The following SMPD3 variants were observed in gnomAD, a reference collection of about 807,000 sequenced individuals.
SMPD3 encodes the protein sphingomyelin phosphodiesterase 3.
Under a neutral mutation model 55.7 loss-of-function variants are expected in SMPD3, and 21 were observed. The observed-to-expected ratio is 0.38, with a 90% CI of 0.27 to 0.54. The LOEUF is 0.54. Among genes scored for constraint, SMPD3 ranks in the 20% least tolerant of loss-of-function variants. The pLI, the probability that SMPD3 is intolerant of heterozygous loss-of-function variation, is 0.80. For synonymous variants in SMPD3, 457 were observed against 404.3 expected (o/e 1.13, Z -1.56); for missense variants, 842 against 899.6 (o/e 0.94, Z 0.82).
At position 68,361,124 on chromosome 16, in the gene SMPD3, C is replaced by T; in HGVS notation, c.*82G>A. On this transcript the variant is annotated 3_prime_UTR_variant, in exon 9 of 9. Coordinates refer to ENST00000219334, the MANE Select transcript of SMPD3 (RefSeq NM_018667.4). ...TGTCCCTGCCCTCCTCCCCCAAGCA[C>T]CGGGCACTCGATGGAGGGGACATGG... 1.5e-6 allele frequency: 2 copies of T among 1,305,432 alleles called. No individual in the cohort carries two copies. The highest frequency in any genetic ancestry group is 2.2e-6 in the Non-Finnish European group (2 of 929,140). The allele number at this position is 1,305,432 out of a possible 1,614,324, so 80.9% of individuals were successfully genotyped here.
rs199624447 is a variant in SMPD3 at position 68,364,891 on chromosome 16, C to T, written c.1415G>A (p.Arg472Gln). The change falls in exon 5 of 9, where the codon CGG (arginine) becomes CAG (glutamine). Residue 472 changes from arginine (R) to glutamine (Q), a missense_variant. Transcript: ENST00000219334. ...CTGAAGCAGGTCCAGCTGCCCACAC[C>T]GGATGGCGCTGTCCTCTGCAGGGCA... ...LHAPQEDSAI[R>Q]CGQLDLLQDW... 116 of 1,613,698 alleles carry T rather than the reference C, an allele frequency of 7.2e-5. No individual in the cohort carries two copies. The highest frequency in any genetic ancestry group is 4.9e-4 in the Middle Eastern group (3 of 6,080).
intron 2 of SMPD3, among the ~76,000 whole-genome samples, chr16:68,378,823 A>T (rs1165850688): frequency 6.6e-6 from 1 of 152,130 alleles, no homozygotes; most frequent in Non-Finnish European, 1.5e-5. Context: ...ATTTTATCTG[A>T]GATGGAAGGT....
chr16:68,379,913 A>G (rs957875312), intron 2 of SMPD3, among the ~76,000 whole-genome samples: 2 of 152,322 alleles, frequency 1.3e-5, no homozygotes, highest in African/African-American at 4.8e-5. Context: ...AAGCCAGGTG[A>G]GTGGTGCACG....
rs560534937 is a variant in SMPD3, at chr16:68,392,992, A to G, written c.-268-6333T>C. ...CATTGATCTCAGACTTCTAGCCTCT[A>G]ACCTGTAAGAAACTAAATTTCGGTT... On this transcript the variant is annotated intron_variant, in intron 1 of 8. Coordinates refer to ENST00000219334, the MANE Select transcript of SMPD3 (RefSeq NM_018667.4). 3.7e-4 allele frequency among the ~76,000 whole-genome samples: 57 copies of G among 152,284 alleles called. 2 individuals are homozygous for G. The South Asian group carries it at 0.011, about 29-fold the overall frequency.
At chr16:68,430,036 AC>A (rs2090467298) in intron 1 of SMPD3, among the ~76,000 whole-genome samples, 1 of 152,080 alleles carries the variant, frequency 6.6e-6, no homozygotes, top group Non-Finnish European at 1.5e-5. Flanking sequence ...CTGTCGCTGC[AC>A]CTGTTACCCC....
At chr16:68,375,068 A>T (rs1258547571) in intron 2 of SMPD3, among the ~76,000 whole-genome samples, 1 of 152,164 alleles carries the variant, frequency 6.6e-6, no homozygotes. Context: ...TGAGGTCACC[A>T]GCCCAGCCTG....
intron 2 of SMPD3, among the ~76,000 whole-genome samples, chr16:68,372,804 A>G (rs1392165226): frequency 6.6e-6 from 1 of 152,210 alleles, no homozygotes; most frequent in Non-Finnish European, 1.5e-5. Flanking sequence ...ATGAGAGGGC[A>G]GGTGACCCTG....
chr16:68,361,604 G>T lies in SMPD3; in HGVS notation c.1865C>A (p.Ala622Asp). The change falls in exon 8 of 9, where the codon GCC (alanine) becomes GAC (aspartate). Residue 622 changes from alanine (A) to aspartate (D), a missense_variant and splice_region_variant. This residue lies in a region of SMPD3 where 649 missense variants were observed against 643.6 expected (regional missense o/e 1.01). Transcript: ENST00000219334. ...AEEGLCPDWK[A>D]EVEEFSFITQ... ...GGCTGCTGGGCCCTCCTGACTCACG[G>T]CCTTCCAGTCTGGGCACAGCCCCTC... 1 of 1,607,166 alleles carries T rather than the reference G, an allele frequency of 6.2e-7. No homozygotes were observed.
In SMPD3 at chr16:68,371,454, C is replaced by T. The variant is rs945113819; in HGVS notation, c.728G>A (p.Cys243Tyr). The T allele has an allele frequency of 2.9e-5, 46 of 1,592,514 alleles. No homozygotes were observed. The Admixed American group carries it at 7.2e-4, about 25-fold the overall frequency. Residue 243 changes from cysteine (C) to tyrosine (Y), a missense_variant, in exon 3 of 9, where the codon TGC becomes TAC. Physicochemically the swap from Cys to Tyr is radical, Grantham distance 194. Around this residue, in one of 2 missense-constraint regions of SMPD3, gnomAD observed 649 missense variants for 643.6 expected, o/e 1.01. Transcript: ENST00000219334. ...PVDSSSPEDA[C>Y]IVRIGGEEGG... ...CTCCTCGCCACCGATGCGCACGATG[C>T]AGGCATCCTCCGGGCTGCTGCTGTC... is the stretch of plus-strand genomic sequence containing the variant.
chr16:68,430,892 T>C (rs555120084), intron 1 of SMPD3, among the ~76,000 whole-genome samples: 1 of 152,342 alleles, frequency 6.6e-6, no homozygotes, highest in African/African-American at 2.4e-5. Flanking sequence ...CAGAATGTCG[T>C]GTCAAGTGGA....
chr16:68,363,995 G>A (rs2089398868), intron 5 of SMPD3, 129 bp from the exon 6 acceptor site: 1 of 835,188 alleles, frequency 1.2e-6, no homozygotes, highest in Admixed American at 2.6e-5. Context: ...ACTGCCCCTG[G>A]GTGGGATCTC....
At chr16:68,406,920 C>T (rs1050817306) in intron 1 of SMPD3, among the ~76,000 whole-genome samples, 5 of 152,112 alleles carry the variant, frequency 3.3e-5, no homozygotes, top group Non-Finnish European at 7.3e-5. Flanking sequence ...AGCAGCACAT[C>T]GGGGCATGGG....
At chr16:68,411,047 G>T (rs1242493750) in intron 1 of SMPD3, among the ~76,000 whole-genome samples, 1 of 152,252 alleles carries the variant, frequency 6.6e-6, no homozygotes, top group Non-Finnish European at 1.5e-5. Context: ...GACAGAGAAG[G>T]CCAGAGTTTA....
rs775819452 is a variant in SMPD3, at chr16:68,363,505, T to G, written c.1700A>C (p.Asn567Thr). The G allele has an allele frequency of 6.2e-7, 1 of 1,613,956 alleles. No homozygotes were observed. Among genetic ancestry groups the G allele is most frequent in the South Asian group, 1.1e-5 (1 of 91,064 alleles). The change falls in exon 7 of 9, where the codon AAC (asparagine) becomes ACC (threonine). Residue 567 changes from asparagine (N) to threonine (T), a missense_variant. Physicochemically the swap from Asn to Thr is moderately conservative, Grantham distance 65 (BLOSUM62 0). This residue lies in a region of SMPD3 where 649 missense variants were observed against 643.6 expected (regional missense o/e 1.01). Transcript: ENST00000219334. ...LYDEDVCTPD[N>T]LQKVLESEEG... ...GGAGCGCAGTGCTTACTTCTGCAGG[T>G]TGTCGGGGGTGCACACATCCTCATC...
intron 7 of SMPD3, 46 bp from the exon 8 acceptor site, chr16:68,361,805 G>A (rs1254334353): frequency 6.3e-7 from 1 of 1,599,426 alleles, no homozygotes; most frequent in East Asian, 2.2e-5. Flanking sequence ...GCCCGCCCCT[G>A]TGGGCCTGGC....
chr16:68,438,597 C>T (rs1318031258), intron 1 of SMPD3, among the ~76,000 whole-genome samples: 1 of 152,186 alleles, frequency 6.6e-6, no homozygotes, highest in East Asian at 1.9e-4. Context: ...TTCCAAACAT[C>T]TATTTCATAT....
At chr16:68,377,874 A>C (rs1019743151) in intron 2 of SMPD3, among the ~76,000 whole-genome samples, 4 of 152,218 alleles carry the variant, frequency 2.6e-5, no homozygotes, top group Non-Finnish European at 5.9e-5. Context: ...AAGCCAGACC[A>C]GTTCTGCTGG....
intron 1 of SMPD3, among the ~76,000 whole-genome samples, chr16:68,391,963 C>G (rs1412243096): frequency 2.6e-5 from 4 of 151,972 alleles, no homozygotes; most frequent in Admixed American, 1.3e-4. Flanking sequence ...GCCATCTTGG[C>G]TCACTGCAAC....
intron 1 of SMPD3, among the ~76,000 whole-genome samples, chr16:68,405,117 GT>G (rs537279412): frequency 2.4e-4 from 36 of 152,288 alleles, no homozygotes; most frequent in African/African-American, 8.2e-4. Flanking sequence ...TACTAGCAGA[GT>G]TTTTTCCCCC....
Sources: allele counts gnomAD v4.1 joint callset (sites outside exome capture counted in the v4.1 genomes callset), GRCh38; gene constraint gnomAD v4.1.1; regional missense constraint gnomAD v4.1.1; transcripts MANE v1.5; gene names NCBI Gene and HGNC (gene_info 2026-07-23, HGNC 2026-07-21).